Variants in PITPNC1 observed in about 807,000 individuals in gnomAD.
PITPNC1 encodes the protein phosphatidylinositol transfer protein cytoplasmic 1.
In PITPNC1, 18 loss-of-function variants were observed where a neutral mutation model predicts 44.7. The observed-to-expected ratio is 0.40, with a 90% CI of 0.28 to 0.60. The LOEUF is 0.60. Among genes scored for constraint, PITPNC1 ranks in the 20% least tolerant of loss-of-function variants. The probability of loss-of-function intolerance (pLI) is 0.39; values close to 1 mark genes in which losing one functional copy is unlikely to be tolerated. For synonymous variants in PITPNC1, 141 were observed against 149.6 expected (o/e 0.94, Z 0.42); for missense variants, 290 against 418.4 (o/e 0.69, Z 2.68).
At chr17:67,688,037 TA>T (rs67788348) in intron 8 of PITPNC1, among the ~76,000 whole-genome samples, 2,143 of 137,546 alleles carry the variant, frequency 0.016, 47 homozygotes, top group African/African-American at 0.051. Flanking sequence ...TAGTAGGTGT[TA>T]AAAAAAAAAA....
intron 4 of PITPNC1, among the ~76,000 whole-genome samples, chr17:67,573,683 C>T (rs1160552943): frequency 6.6e-6 from 1 of 151,756 alleles, no homozygotes; most frequent in Non-Finnish European, 1.5e-5. Flanking sequence ...CCCGCTCAGC[C>T]TCCCGAGTAG....
At chr17:67,472,516 G>A (rs2039555596) in intron 1 of PITPNC1, among the ~76,000 whole-genome samples, 1 of 151,374 alleles carries the variant, frequency 6.6e-6, no homozygotes, top group South Asian at 2.1e-4. Context: ...GCGTGGTGGT[G>A]GGCGCCTGTA....
intron 1 of PITPNC1, chr17:67,378,835 C>A: frequency 3.6e-6 from 1 of 280,600 alleles, no homozygotes; most frequent in Non-Finnish European, 5.4e-6. Context: ...TCTCTTGTTT[C>A]TTCCGCCGCG....
At chr17:67,610,035 G>A (rs966251611) in intron 5 of PITPNC1, among the ~76,000 whole-genome samples, 1 of 152,092 alleles carries the variant, frequency 6.6e-6, no homozygotes, top group African/African-American at 2.4e-5. Flanking sequence ...CACAGTGACT[G>A]GCACCCAAGA....
intron 1 of PITPNC1, among the ~76,000 whole-genome samples, chr17:67,445,516 T>C (rs906510505): frequency 1.3e-5 from 2 of 151,756 alleles, no homozygotes; most frequent in Non-Finnish European, 2.9e-5. Flanking sequence ...TAGAGCGCTT[T>C]AGTTCTGTCT....
At chr17:67,440,299 C>T (rs1256920210) in intron 1 of PITPNC1, among the ~76,000 whole-genome samples, 2 of 152,162 alleles carry the variant, frequency 1.3e-5, no homozygotes, top group African/African-American at 4.8e-5. Flanking sequence ...TTGTCTCCTT[C>T]TAATCCTGGC....
intron 1 of PITPNC1, among the ~76,000 whole-genome samples, chr17:67,491,832 AAAC>A (rs1329010802): frequency 6.6e-6 from 1 of 152,066 alleles, no homozygotes; most frequent in Non-Finnish European, 1.5e-5. Flanking sequence ...CCCTGCCTCA[AAAC>A]AACGACAAAA....
intron 1 of PITPNC1, among the ~76,000 whole-genome samples, chr17:67,391,843 A>G (rs2038143428): frequency 6.6e-6 from 1 of 152,196 alleles, no homozygotes; most frequent in Non-Finnish European, 1.5e-5. Context: ...ATAATTAGGG[A>G]AAGGTAGATG....
chr17:67,519,540 G>C (rs146903898), intron 1 of PITPNC1, among the ~76,000 whole-genome samples: 8 of 152,208 alleles, frequency 5.3e-5, no homozygotes, highest in Non-Finnish European at 1.2e-4. Context: ...TGTTTTCCCT[G>C]TCTTCACTGA....
chr17:67,568,517 T>A (rs1225780009), intron 4 of PITPNC1, among the ~76,000 whole-genome samples: 1 of 152,190 alleles, frequency 6.6e-6, no homozygotes, highest in Non-Finnish European at 1.5e-5. Context: ...AGCTATTTTT[T>A]ATTTATTTTA....
At chr17:67,656,363 G>A (rs1386170163) in intron 6 of PITPNC1, among the ~76,000 whole-genome samples, 1 of 152,038 alleles carries the variant, frequency 6.6e-6, no homozygotes, top group Non-Finnish European at 1.5e-5. Context: ...CTCTGTCCTC[G>A]CACAACCTTC....
intron 1 of PITPNC1, 113 bp downstream of exon 1, chr17:67,378,315 C>G (rs1442917552): frequency 2.1e-5 from 13 of 613,132 alleles, no homozygotes; most frequent in East Asian, 1.1e-4. Flanking sequence ...GACGTTACCC[C>G]GCAAACCCGA....
chr17:67,678,261 G>C (rs577014204), intron 8 of PITPNC1, among the ~76,000 whole-genome samples: 2 of 151,650 alleles, frequency 1.3e-5, no homozygotes, highest in African/African-American at 4.8e-5. Flanking sequence ...GGAGCCCAAG[G>C]CTAGAATAAT....
intron 1 of PITPNC1, among the ~76,000 whole-genome samples, chr17:67,429,711 C>T (rs1316017900): frequency 3.4e-5 from 5 of 146,594 alleles, no homozygotes; most frequent in Non-Finnish European, 6.1e-5. Context: ...AAAAAAAAAA[C>T]TTACAAAGTA....
At chr17:67,463,543 G>A (rs147155192) in intron 1 of PITPNC1, among the ~76,000 whole-genome samples, 197 of 152,308 alleles carry the variant, frequency 1.3e-3, no homozygotes, top group African/African-American at 4.5e-3. Context: ...TGGGGTCAAA[G>A]AGCATCGCTG....
intron 5 of PITPNC1, among the ~76,000 whole-genome samples, chr17:67,600,178 A>C (rs2041522346): frequency 6.6e-6 from 1 of 152,144 alleles, no homozygotes; most frequent in Non-Finnish European, 1.5e-5. Flanking sequence ...CATGGCTTAC[A>C]GTAGTAGTTC....
chr17:67,567,619 A>C (rs1048771522), intron 4 of PITPNC1, among the ~76,000 whole-genome samples: 6 of 152,226 alleles, frequency 3.9e-5, no homozygotes, highest in Admixed American at 2.6e-4. Context: ...GAAGTTCCTC[A>C]GAAGGTTAAA....
chr17:67,492,353 A>G (rs2039876546), intron 1 of PITPNC1, among the ~76,000 whole-genome samples: 1 of 152,208 alleles, frequency 6.6e-6, no homozygotes, highest in South Asian at 2.1e-4. Flanking sequence ...AGAGGAGAAG[A>G]CACAGACACA....
At chr17:67,631,423 A>T (rs2041965082) in intron 5 of PITPNC1, among the ~76,000 whole-genome samples, 1 of 144,926 alleles carries the variant, frequency 6.9e-6, no homozygotes. Flanking sequence ...AGGTCAGGAG[A>T]TCGAGACCAT....
Sources: allele counts gnomAD v4.1 joint callset (sites outside exome capture counted in the v4.1 genomes callset), GRCh38; gene constraint gnomAD v4.1.1; transcripts MANE v1.5; gene names NCBI Gene and HGNC (gene_info 2026-07-23, HGNC 2026-07-21).